PIP5K1B: variants seen among roughly 807,000 people sequenced by gnomAD.
PIP5K1B encodes phosphatidylinositol-4-phosphate 5-kinase type 1 beta.
PIP5K1B carries 42 observed loss-of-function variants against 67.0 expected under a neutral mutation model. That is an observed-to-expected ratio of 0.63 (90% CI 0.49 to 0.81). PIP5K1B has a LOEUF of 0.81. Among genes scored for constraint, PIP5K1B ranks in the 30% least tolerant of loss-of-function variants. PIP5K1B has a pLI of 0.00. For missense variants in PIP5K1B, 459 were observed against 646.3 expected, an observed-to-expected ratio of 0.71 and a Z score of 3.14; for synonymous variants, 214 against 231.4, an observed-to-expected ratio of 0.92 and a Z score of 0.68.
chr9:69,000,532 C>A (rs1830776562), intron 15 of PIP5K1B, among the ~76,000 whole-genome samples: 1 of 152,136 alleles, frequency 6.6e-6, no homozygotes, highest in African/African-American at 2.4e-5. Context: ...TGGATTCCTT[C>A]TGAGGGCTGT....
chr9:68,946,403 T>C (rs1827804401), intron 14 of PIP5K1B, among the ~76,000 whole-genome samples: 1 of 149,082 alleles, frequency 6.7e-6, no homozygotes, highest in Admixed American at 6.6e-5. Flanking sequence ...TTTTGTTTTT[T>C]GTTTTTTTTT....
intron 1 of PIP5K1B, among the ~76,000 whole-genome samples, chr9:68,712,566 A>T (rs1398696320): frequency 6.6e-6 from 1 of 152,174 alleles, no homozygotes; most frequent in Non-Finnish European, 1.5e-5. Context: ...TAAATATTTA[A>T]ATGAATACAT....
At chr9:68,882,913 C>A (rs1414662910) in intron 6 of PIP5K1B, among the ~76,000 whole-genome samples, 1 of 152,156 alleles carries the variant, frequency 6.6e-6, no homozygotes, top group Admixed American at 6.5e-5. Flanking sequence ...AAGTCATGGG[C>A]AGTAGGCTGA....
chr9:68,997,753 TA>T (rs745980315), intron 15 of PIP5K1B, among the ~76,000 whole-genome samples: 1 of 152,206 alleles, frequency 6.6e-6, no homozygotes, highest in Non-Finnish European at 1.5e-5. Context: ...ATTCTTGAAA[TA>T]AAAGTGACGC....
intron 4 of PIP5K1B, among the ~76,000 whole-genome samples, chr9:68,859,945 T>C (rs557037188): frequency 6.6e-6 from 1 of 152,326 alleles, no homozygotes; most frequent in South Asian, 2.1e-4. Context: ...TATGTATTTA[T>C]TGTGTACAAC....
At chr9:68,808,834 G>A (rs1418158524) in intron 2 of PIP5K1B, among the ~76,000 whole-genome samples, 1 of 152,208 alleles carries the variant, frequency 6.6e-6, no homozygotes, top group Non-Finnish European at 1.5e-5. Context: ...GCGAGCAGGT[G>A]CCATCGTTTG....
intron 3 of PIP5K1B, among the ~76,000 whole-genome samples, chr9:68,818,767 C>G (rs1833582000): frequency 6.6e-6 from 1 of 151,948 alleles, no homozygotes; most frequent in Non-Finnish European, 1.5e-5. Context: ...GAGATGTGGT[C>G]TCTGTTGTTA....
rs1435179394 is a variant in PIP5K1B at position 68,995,291 on chromosome 9, A to G, written c.1620+4034A>G. ...CAAAGTATCTACCGTTGTTTCTCCAAATTTTGCTGTTTAATCACCTCCTGT... is the reference window on the plus strand; with the variant it reads ...CAAAGTATCTACCGTTGTTTCTCCAGATTTTGCTGTTTAATCACCTCCTGT... On this transcript the variant is annotated intron_variant, in intron 15 of 15. Coordinates refer to ENST00000265382, the MANE Select transcript of PIP5K1B (RefSeq NM_003558.4). 1.3e-5 allele frequency among the ~76,000 whole-genome samples: 2 copies of G among 152,154 alleles called. 1 individual carries two copies. The highest frequency in any genetic ancestry group is 2.9e-5 in the Non-Finnish European group (2 of 68,038).
At chr9:68,990,921 C>T (rs1369087179) in intron 14 of PIP5K1B, among the ~76,000 whole-genome samples, 1 of 152,138 alleles carries the variant, frequency 6.6e-6, no homozygotes, top group African/African-American at 2.4e-5. Context: ...CTCAGCCTCC[C>T]AAAGTCCTGG....
intron 2 of PIP5K1B, among the ~76,000 whole-genome samples, chr9:68,790,584 G>A (rs143405792): frequency 2.1e-5 from 3 of 145,642 alleles, no homozygotes; most frequent in South Asian, 4.4e-4. Flanking sequence ...ACACCCAAAC[G>A]CACATGAGCG....
chr9:68,770,215 G>A (rs141734030), intron 2 of PIP5K1B, among the ~76,000 whole-genome samples: 67 of 152,354 alleles, frequency 4.4e-4, no homozygotes, highest in African/African-American at 1.3e-3. Context: ...CCGCTACCAT[G>A]TCAAATCACT....
intron 15 of PIP5K1B, among the ~76,000 whole-genome samples, chr9:68,999,107 G>A (rs752118818): frequency 2.6e-5 from 4 of 152,082 alleles, no homozygotes; most frequent in Admixed American, 6.6e-5. Flanking sequence ...TTTGATCTGC[G>A]TCACTGCTGC....
intron 8 of PIP5K1B, among the ~76,000 whole-genome samples, chr9:68,912,091 A>G (rs1825882141): frequency 6.6e-6 from 1 of 151,966 alleles, no homozygotes. Flanking sequence ...TTCAAGTATT[A>G]CCCTCTCTTA....
At chr9:68,927,127 C>A (rs942259427) in intron 12 of PIP5K1B, among the ~76,000 whole-genome samples, 1 of 152,134 alleles carries the variant, frequency 6.6e-6, no homozygotes, top group Non-Finnish European at 1.5e-5. Flanking sequence ...CTTTTTATTG[C>A]AGAATATTCC....
intron 11 of PIP5K1B, among the ~76,000 whole-genome samples, chr9:68,920,488 C>A (rs970917487): frequency 6.6e-5 from 10 of 151,154 alleles, no homozygotes; most frequent in Non-Finnish European, 1.3e-4. Flanking sequence ...TTACCTCACC[C>A]TCCTGAGTAG....
chr9:68,866,995 G>A (rs1346746965), intron 5 of PIP5K1B, among the ~76,000 whole-genome samples: 1 of 152,170 alleles, frequency 6.6e-6, no homozygotes, highest in African/African-American at 2.4e-5. Flanking sequence ...CTGGGTCCTA[G>A]CATGGCTCTG....
chr9:68,827,640 T>C (rs1834058206), intron 4 of PIP5K1B, among the ~76,000 whole-genome samples: 1 of 152,116 alleles, frequency 6.6e-6, no homozygotes, highest in African/African-American at 2.4e-5. Context: ...TTTGTGTTAG[T>C]TGAGCAACAA....
intron 8 of PIP5K1B, among the ~76,000 whole-genome samples, chr9:68,895,229 C>G (rs1414951): frequency 0.1 from 14,578 of 142,096 alleles, 830 homozygotes; most frequent in Middle Eastern, 0.15. Flanking sequence ...AGTGATTGTC[C>G]AAAGTGGGGA....
chr9:68,877,496 T>C (rs1012552708), intron 6 of PIP5K1B, among the ~76,000 whole-genome samples: 2 of 152,186 alleles, frequency 1.3e-5, no homozygotes, highest in African/African-American at 4.8e-5. Flanking sequence ...CCCTGGGGGC[T>C]CCTCAGAATT....
Sources: gnomAD v4.1 joint callset for allele counts (sites outside exome capture counted in the v4.1 genomes callset) on GRCh38, gnomAD v4.1.1 for gene constraint, MANE v1.5 for transcripts, NCBI Gene and HGNC (gene_info 2026-07-23, HGNC 2026-07-21) for gene names.